The following CEP162 variants were observed in gnomAD, a reference collection of about 807,000 sequenced individuals.
CEP162 encodes centrosomal protein of 162 kDa.
CEP162 carries 141 observed loss-of-function variants against 169.2 expected under a neutral mutation model. The observed-to-expected ratio is 0.83, with a 90% CI of 0.73 to 0.96. CEP162 has a LOEUF of 0.96. Among genes scored for constraint, CEP162 ranks in the 40% least tolerant of loss-of-function variants. CEP162 has a pLI of 0.00. For missense variants in CEP162, 1,600 were observed against 1,587.2 expected (o/e 1.01, Z -0.14); for synonymous variants, 540 against 526.4 (o/e 1.03, Z -0.35).
rs774897791 is a variant in CEP162 at position 84,152,813 on chromosome 6, T to C, written c.3361A>G (p.Asn1121Asp). 24 of 1,613,530 alleles carry C rather than the reference T, an allele frequency of 1.5e-5. No homozygotes were observed. The highest frequency in any genetic ancestry group is 2.0e-5 in the Non-Finnish European group (24 of 1,179,778). Reference protein sequence around the residue: ...LQKDRRMMLSNQNSKGREEMS... With the variant: ...LQKDRRMMLSDQNSKGREEMS... ...TCCTCTCTGCCCTTTGAGTTCTGAT[T>C]TGATAGCATCATTCTTCTGTCTTTC... is the stretch of plus-strand genomic sequence containing the variant. Residue 1121 changes from asparagine to aspartate, a missense_variant, in exon 23 of 27, where the codon AAT becomes GAT. Physicochemically the swap from Asn to Asp is conservative, Grantham distance 23 (BLOSUM62 1). Coordinates refer to ENST00000403245, the MANE Select transcript of CEP162 (RefSeq NM_014895.4).
At chr6:84,144,013 T>C (rs969233470) in intron 25 of CEP162, among the ~76,000 whole-genome samples, 2 of 152,014 alleles carry the variant, frequency 1.3e-5, no homozygotes, top group African/African-American at 4.8e-5. Context: ...AACTAAGTAT[T>C]GTTTCATAAT....
At chr6:84,146,612 A>G (rs2099518984) in intron 25 of CEP162, 75 bp downstream of exon 25, 1 of 667,184 alleles carries the variant, frequency 1.5e-6, no homozygotes. Flanking sequence ...TTTAGGTAAA[A>G]AATTTATAAA....
chr6:84,186,638 A>T lies in CEP162; in HGVS notation c.1110-15T>A, dbSNP rs2099537280. On this transcript the variant is annotated splice_polypyrimidine_tract_variant and intron_variant, in intron 11 of 26. Transcript: ENST00000403245. ...CTTTCTCAGAGCTATAAAACAAAAC[A>T]GGACACAGATAATGAACCCTATGTA... 6.3e-7 allele frequency: 1 copy of T among 1,583,926 alleles called. No individual in the cohort carries two copies.
At chr6:84,177,124 C>T (rs1588801150) in intron 13 of CEP162, among the ~76,000 whole-genome samples, 1 of 152,076 alleles carries the variant, frequency 6.6e-6, no homozygotes, top group African/African-American at 2.4e-5. Flanking sequence ...ATTTCAAATG[C>T]TAAATGGCCA....
chr6:84,219,314 A>T (rs1290091791), intron 3 of CEP162: 4 of 411,772 alleles, frequency 9.7e-6, no homozygotes, highest in Middle Eastern at 3.5e-4. Context: ...TTAAGCTGAC[A>T]TTGTCAAAGT....
chr6:84,159,547 A>ATATATTTTTTTT (rs2099524779), intron 21 of CEP162, among the ~76,000 whole-genome samples: 1 of 31,954 alleles, frequency 3.1e-5, no homozygotes, highest in Non-Finnish European at 5.1e-5. Context: ...ATATATATAT[A>ATATATTTTTTTT]TTTTTTTTTT....
rs570699328 is a variant in CEP162 at position 84,191,777 on chromosome 6, GT to G, written c.1109+1831del. On this transcript the variant is annotated intron_variant, in intron 11 of 26. Coordinates refer to ENST00000403245, the MANE Select transcript of CEP162 (RefSeq NM_014895.4). Reference sequence around the variant, plus strand: ...TGAAGAAGAGTGAAATTGATATTTTGTTATTAGAAAGGTATATCCTGGCAGA... The same window carrying G: ...TGAAGAAGAGTGAAATTGATATTTTGTATTAGAAAGGTATATCCTGGCAGA... Among the ~76,000 whole-genome samples the G allele has an allele frequency of 6.6e-5, 10 of 152,196 alleles. No homozygotes were observed. In the South Asian group the frequency reaches 2.1e-3, roughly 32 times the overall value.
intron 11 of CEP162, 77 bp downstream of exon 11, chr6:84,193,532 A>G (rs376787240): frequency 1.2e-6 from 1 of 800,198 alleles, no homozygotes; most frequent in East Asian, 2.9e-5. Context: ...GTCATTAATC[A>G]TTCACTAGGA....
At chr6:84,186,304 T>G in intron 12 of CEP162, 28 bp downstream of exon 12, 1 of 1,279,530 alleles carries the variant, frequency 7.8e-7, no homozygotes, top group Admixed American at 1.8e-5. Flanking sequence ...TCTCAATCTC[T>G]CAAATCAATT....
intron 3 of CEP162, chr6:84,219,257 G>T: frequency 1.2e-6 from 1 of 814,900 alleles, no homozygotes; most frequent in Non-Finnish European, 1.8e-6. Flanking sequence ...CCGTTTGCTT[G>T]AATCAGGGAC....
In CEP162 at chr6:84,185,316, T is replaced by C. The variant is rs748261085; in HGVS notation, c.1534A>G (p.Ser512Gly). 8 of 1,613,604 alleles carry C rather than the reference T, an allele frequency of 5.0e-6. No homozygotes were observed. In the Admixed American group the frequency reaches 5.0e-5, roughly 10 times the overall value. The change falls in exon 13 of 27, where the codon AGC becomes GGC. Residue 512 changes from serine (S) to glycine (G), a missense_variant. By Grantham distance (56) the Ser-to-Gly change is moderately conservative. Coordinates refer to ENST00000403245, the MANE Select transcript of CEP162 (RefSeq NM_014895.4). ...GAACTGGGTTTGCCATAGCCTGAGCTCCTAACTGACGCATATAATCCACTC... is the reference window on the plus strand; with the variant it reads ...GAACTGGGTTTGCCATAGCCTGAGCCCCTAACTGACGCATATAATCCACTC... Reference protein sequence around the residue: ...PQSGLYASVRSSGYGKPSSPL... With the variant: ...PQSGLYASVRGSGYGKPSSPL...
Position 84,171,662 on chromosome 6 carries a change from A to G in CEP162, c.2223T>C (p.Asn741=). ...GGTTTTCCTTAAACATTCGCTCCTC[A>G]TTTTTCTTGTTTTGTTCTTGGAGAT... ...VKDLQEQNKK[N]EERMFKENQS... The change falls in exon 17 of 27, where the codon AAT becomes AAC. Residue 741 remains asparagine (N), a synonymous_variant. Coordinates refer to ENST00000403245, the MANE Select transcript of CEP162 (RefSeq NM_014895.4). 3 of 1,554,416 alleles carry G rather than the reference A, an allele frequency of 1.9e-6. No homozygotes were observed. Among genetic ancestry groups the G allele is most frequent in the Non-Finnish European group, 2.6e-6 (3 of 1,152,024 alleles).
intron 9 of CEP162, among the ~76,000 whole-genome samples, chr6:84,196,614 AG>A (rs2099542252): frequency 6.6e-6 from 1 of 152,198 alleles, no homozygotes; most frequent in South Asian, 2.1e-4. Context: ...CACGGAAGAG[AG>A]GGAAAAAAAG....
chr6:84,193,509 C>G (rs1236755305), intron 11 of CEP162, 100 bp downstream of exon 11: 2 of 619,452 alleles, frequency 3.2e-6, no homozygotes. Context: ...CAGGTAGAGT[C>G]AAGCTAGTAT....
At chr6:84,210,272 T>C (rs1048448259) in intron 6 of CEP162, among the ~76,000 whole-genome samples, 40 of 152,258 alleles carry the variant, frequency 2.6e-4, no homozygotes, top group East Asian at 1.9e-4. Flanking sequence ...AAAGAACCTT[T>C]TGGAAGACAT....
chr6:84,178,575 C>T (rs1321930785), intron 13 of CEP162, among the ~76,000 whole-genome samples: 1 of 152,106 alleles, frequency 6.6e-6, no homozygotes, highest in East Asian at 1.9e-4. Flanking sequence ...AGGAACATCC[C>T]TAGGGGATGT....
Position 84,186,415 on chromosome 6 carries a change from C to T in CEP162, c.1318G>A (p.Val440Ile), listed in dbSNP as rs1166861214. 1.3e-6 allele frequency: 2 copies of T among 1,584,598 alleles called. No homozygotes were observed. The highest frequency in any genetic ancestry group is 2.2e-5 in the East Asian group (1 of 44,660). ...AAAATATTAAGGTACATTTTATCAACATGTTCTTCTGTGGCAGTTACTTCA... is the reference window on the plus strand; with the variant it reads ...AAAATATTAAGGTACATTTTATCAATATGTTCTTCTGTGGCAGTTACTTCA... ...VTEVTATEEH[V>I]DKMYLNILRK... The change falls in exon 12 of 27, where the codon GTT (valine) becomes ATT (isoleucine). Residue 440 changes from valine to isoleucine, a missense_variant. Transcript: ENST00000403245.
Position 84,206,558 on chromosome 6 carries a change from C to CA in CEP162, c.572-2463dup, listed in dbSNP as rs1442068561. Among the ~76,000 whole-genome samples the CA allele has an allele frequency of 7.9e-5, 12 of 152,286 alleles. No homozygotes were observed. The South Asian group carries it at 2.3e-3, about 29-fold the overall frequency. ...CTGGATCCTTTCCTTACACCTTACA[C>CA]AAAAATTAATTCAAGATGGATTAAA... On this transcript the variant is annotated intron_variant, in intron 6 of 26. Transcript: ENST00000403245.
intron 25 of CEP162, among the ~76,000 whole-genome samples, chr6:84,129,163 T>C (rs1015342881): frequency 2.0e-5 from 3 of 152,216 alleles, no homozygotes; most frequent in African/African-American, 7.2e-5. Flanking sequence ...TGTGTGCATG[T>C]GTCTTAATAG....
Sources: allele counts gnomAD v4.1 joint callset (sites outside exome capture counted in the v4.1 genomes callset), GRCh38; gene constraint gnomAD v4.1.1; transcripts MANE v1.5; gene names NCBI Gene and HGNC (gene_info 2026-07-23, HGNC 2026-07-21).